Variants in KCNIP4 observed in about 807,000 individuals in gnomAD.
The protein encoded by KCNIP4 is potassium voltage-gated channel interacting protein 4.
Under a neutral mutation model 34.0 loss-of-function variants are expected in KCNIP4, and 12 were observed. The observed-to-expected ratio is 0.35, with a 90% CI of 0.23 to 0.57. The LOEUF (loss-of-function observed/expected upper bound fraction) is 0.57, where lower values mean the gene tolerates loss of function less well. KCNIP4 is among the 20% of genes least tolerant of loss of function. KCNIP4 has a pLI of 0.83. For synonymous variants in KCNIP4, 124 were observed against 102.2 expected (o/e 1.21, Z -1.29); for missense variants, 238 against 311.7 (o/e 0.76, Z 1.78).
At chr4:21,837,460 G>A (rs1243445396) in intron 1 of KCNIP4, among the ~76,000 whole-genome samples, 5 of 142,950 alleles carry the variant, frequency 3.5e-5, no homozygotes, top group Admixed American at 1.4e-4. Context: ...ACTTGAACCC[G>A]GAGGTGGAGG....
chr4:21,286,447 G>A (rs979626644), intron 1 of KCNIP4, among the ~76,000 whole-genome samples: 5 of 152,188 alleles, frequency 3.3e-5, no homozygotes, highest in African/African-American at 1.2e-4. Flanking sequence ...ATATGGCTTT[G>A]GGGTAAAGGC....
chr4:21,240,272 C>T (rs552547870), intron 1 of KCNIP4, among the ~76,000 whole-genome samples: 104 of 149,934 alleles, frequency 6.9e-4, no homozygotes, highest in South Asian at 1.9e-3. Flanking sequence ...ATACCTAATG[C>T]TAAATGACGA....
chr4:20,768,500 T>C (rs1006896881), intron 3 of KCNIP4, among the ~76,000 whole-genome samples: 10 of 152,192 alleles, frequency 6.6e-5, no homozygotes, highest in African/African-American at 2.4e-4. Flanking sequence ...CTTTCAGTTT[T>C]CAAAGCAGAA....
Position 20,909,195 on chromosome 4 carries a change from G to GAAATCATATATGAAATTCCAA in KCNIP4, c.62-26487_62-26486insTTGGAATTTCATATATGATTT, listed in dbSNP as rs1728091904. Reference sequence around the variant, plus strand: ...AAAATCATATATGAAATTGTTACTGGTGGTTGCCTTTGGAATGCAGGAGTT... The same window carrying GAAATCATATATGAAATTCCAA: ...AAAATCATATATGAAATTGTTACTGGAAATCATATATGAAATTCCAATGGTTGCCTTTGGAATGCAGGAGTT... On this transcript the variant is annotated intron_variant, in intron 1 of 8. Transcript: ENST00000382152. Among the ~76,000 whole-genome samples the GAAATCATATATGAAATTCCAA allele has an allele frequency of 2.0e-5, 3 of 152,324 alleles. No individual in the cohort carries two copies. The South Asian group carries it at 6.2e-4, about 32-fold the overall frequency.
At chr4:21,076,809 A>G (rs1437898319) in intron 1 of KCNIP4, among the ~76,000 whole-genome samples, 1 of 152,096 alleles carries the variant, frequency 6.6e-6, no homozygotes, top group Non-Finnish European at 1.5e-5. Context: ...TCAGTTATCT[A>G]CCGAGTAGAT....
At chr4:20,931,358 A>G (rs990059871) in intron 1 of KCNIP4, among the ~76,000 whole-genome samples, 1 of 152,132 alleles carries the variant, frequency 6.6e-6, no homozygotes, top group African/African-American at 2.4e-5. Flanking sequence ...TCATTTAACA[A>G]CAAGGATATG....
chr4:21,297,904 CTG>C (rs2109231261), intron 1 of KCNIP4, among the ~76,000 whole-genome samples: 1 of 152,062 alleles, frequency 6.6e-6, no homozygotes, highest in South Asian at 2.1e-4. Flanking sequence ...TTATGTATCT[CTG>C]TATGTTTTAT....
At chr4:20,986,392 G>A (rs73099820) in intron 1 of KCNIP4, among the ~76,000 whole-genome samples, 16,001 of 152,034 alleles carry the variant, frequency 0.11, 1,056 homozygotes, top group South Asian at 0.21. Flanking sequence ...AGCCTGTGGC[G>A]GGGAAGCAGG....
rs556764631 is a variant in KCNIP4, at chr4:21,139,616, G to A, written c.62-256907C>T. On this transcript the variant is annotated intron_variant, in intron 1 of 8. Transcript: ENST00000382152. ...CCAAAGAGACATGACTTTCCATCTC[G>A]ACTCAACTCAGGACAACCCTAAAGG... Among the ~76,000 whole-genome samples the A allele has an allele frequency of 3.9e-5, 6 of 152,198 alleles. No individual in the cohort carries two copies. In the East Asian group the frequency reaches 5.8e-4, roughly 15 times the overall value.
intron 1 of KCNIP4, among the ~76,000 whole-genome samples, chr4:21,651,472 T>G (rs545950940): frequency 6.6e-6 from 1 of 152,284 alleles, no homozygotes; most frequent in African/African-American, 2.4e-5. Flanking sequence ...TTTAGAGAAA[T>G]GGGAATAATT....
chr4:21,855,661 G>A (rs1233371263), intron 1 of KCNIP4: 1 of 152,070 alleles, frequency 6.6e-6, no homozygotes, highest in Admixed American at 6.5e-5. Context: ...ATTGGCTTCT[G>A]GGTCCTACCT....
At chr4:21,419,539 T>G (rs1725269304) in intron 1 of KCNIP4, among the ~76,000 whole-genome samples, 1 of 152,138 alleles carries the variant, frequency 6.6e-6, no homozygotes, top group Non-Finnish European at 1.5e-5. Context: ...AATACAGTAA[T>G]ATCTATCTTA....
chr4:20,828,509 T>C (rs1162292351), intron 3 of KCNIP4, among the ~76,000 whole-genome samples: 1 of 152,170 alleles, frequency 6.6e-6, no homozygotes, highest in Non-Finnish European at 1.5e-5. Flanking sequence ...GATAAGGGAA[T>C]AATATTAAGT....
chr4:21,640,564 G>T (rs183377023), intron 1 of KCNIP4, among the ~76,000 whole-genome samples: 1 of 152,162 alleles, frequency 6.6e-6, no homozygotes, highest in East Asian at 1.9e-4. Context: ...AATTACTGTG[G>T]GCCAGCTTCT....
chr4:21,046,867 A>G (rs923649501), intron 1 of KCNIP4, among the ~76,000 whole-genome samples: 6 of 152,182 alleles, frequency 3.9e-5, no homozygotes, highest in African/African-American at 1.4e-4. Flanking sequence ...TGCTGGGATT[A>G]CAGGCGTCAG....
At chr4:20,983,865 A>G (rs1294025773) in intron 1 of KCNIP4, 1 of 1,536,390 alleles carries the variant, frequency 6.5e-7, no homozygotes, top group South Asian at 1.2e-5. Flanking sequence ...AGAGATGCAC[A>G]TATAATCACA....
At chr4:20,942,998 T>G (rs1037069099) in intron 1 of KCNIP4, among the ~76,000 whole-genome samples, 1 of 152,198 alleles carries the variant, frequency 6.6e-6, no homozygotes, top group Admixed American at 6.5e-5. Context: ...AAGGAGCTTA[T>G]GTACTTTTCC....
At chr4:21,749,359 T>G (rs556133437) in intron 1 of KCNIP4, among the ~76,000 whole-genome samples, 1 of 152,248 alleles carries the variant, frequency 6.6e-6, no homozygotes, top group South Asian at 2.1e-4. Flanking sequence ...TGTTGGGTAA[T>G]TAGTTTCCAC....
At chr4:20,944,090 G>C (rs138374045) in intron 1 of KCNIP4, among the ~76,000 whole-genome samples, 9 of 152,260 alleles carry the variant, frequency 5.9e-5, no homozygotes, top group Non-Finnish European at 1.2e-4. Flanking sequence ...AGTTCATTGG[G>C]TGATTATGAT....
Sources: allele counts gnomAD v4.1 joint callset (sites outside exome capture counted in the v4.1 genomes callset), GRCh38; gene constraint gnomAD v4.1.1; transcripts MANE v1.5; gene names NCBI Gene and HGNC (gene_info 2026-07-23, HGNC 2026-07-21).